MCF2L: variants seen among roughly 807,000 people sequenced by gnomAD.
MCF2L encodes the protein guanine nucleotide exchange factor DBS.
Under a neutral mutation model 153.4 loss-of-function variants are expected in MCF2L, and 97 were observed. That is an observed-to-expected ratio of 0.63 (90% CI 0.54 to 0.75). MCF2L has a LOEUF of 0.75. Ranked by LOEUF, MCF2L falls within the 30% of genes least tolerant of loss-of-function variation. The pLI is 0.00. For missense variants in MCF2L, 1,347 were observed against 1,495.2 expected, an observed-to-expected ratio of 0.90 and a Z score of 1.64; for synonymous variants, 659 against 632.2, an observed-to-expected ratio of 1.04 and a Z score of -0.64.
chr13:112,973,357 C>G (rs2082115495), intron 1 of MCF2L, among the ~76,000 whole-genome samples: 1 of 152,160 alleles, frequency 6.6e-6, no homozygotes, highest in African/African-American at 2.4e-5. Context: ...ATTTAGGTCT[C>G]TAATTAGATA....
chr13:113,094,765 A>ACC, intron 27 of MCF2L, 130 bp downstream of exon 27: 1 of 1,254,132 alleles, frequency 8.0e-7, no homozygotes, highest in Non-Finnish European at 1.1e-6. Context: ...TGGAAGGTCC[A>ACC]CATGGGCCTG....
rs534344140 is a variant in MCF2L, at chr13:113,018,033, G to A, written c.163+3187G>A. ...CTGCCGCGGAGCCATGGCTGCCACTGTGACATGTGCGGTCCCGTCTTCTCC... is the reference window on the plus strand; with the variant it reads ...CTGCCGCGGAGCCATGGCTGCCACTATGACATGTGCGGTCCCGTCTTCTCC... On this transcript the variant is annotated intron_variant, in intron 2 of 29. Coordinates refer to ENST00000535094, the MANE Select transcript of MCF2L (RefSeq NM_001112732.3). Among the ~76,000 whole-genome samples, 3 of 152,356 alleles carry A rather than the reference G, an allele frequency of 2.0e-5. No homozygotes were observed. The South Asian group carries it at 6.2e-4, about 32-fold the overall frequency.
At chr13:113,092,794 C>T (rs187684645) in intron 26 of MCF2L, among the ~76,000 whole-genome samples, 246 of 152,374 alleles carry the variant, frequency 1.6e-3, no homozygotes, top group Middle Eastern at 6.8e-3. Context: ...GCCTCCCCCG[C>T]GCCCTGTTCC....
At chr13:113,091,249 C>T in intron 26 of MCF2L, 1 of 1,296,422 alleles carries the variant, frequency 7.7e-7, no homozygotes, top group South Asian at 1.2e-5. Context: ...GGAAGCGCGG[C>T]CCAGCTGGCT....
rs1016976672 is a variant in MCF2L at position 112,969,488 on chromosome 13, T to C, written c.79+30T>C. On this transcript the variant is annotated intron_variant, in intron 1 of 29. Coordinates refer to ENST00000535094, the MANE Select transcript of MCF2L (RefSeq NM_001112732.3). This position sits in a 1 kb window ranked among gnomAD's most constrained non-coding sequence, Gnocchi z 4.8. ...GAGGAGCTGCTGGCCGTCAGTGATC[T>C]GTGCTTAAGCTTGACATCATGGGCT... The C allele has an allele frequency of 2.6e-6, 4 of 1,549,854 alleles. No individual in the cohort carries two copies. The African/African-American group carries it at 4.1e-5, about 16-fold the overall frequency.
At chr13:112,966,488 A>G (rs534259599), upstream of MCF2L, among the ~76,000 whole-genome samples, 51 of 152,346 alleles carry the variant, frequency 3.3e-4, no homozygotes, top group South Asian at 6.6e-3. This position sits in a 1 kb window ranked among gnomAD's most constrained non-coding sequence, Gnocchi z 4.1. Context: ...ATAAGTGTCA[A>G]TCTCATCTAA....
Position 113,074,662 on chromosome 13 carries a change from C to G in MCF2L, c.1116+99C>G. The G allele has an allele frequency of 6.5e-7, 1 of 1,530,286 alleles. No individual in the cohort carries two copies. Among genetic ancestry groups the G allele is most frequent in the Non-Finnish European group, 8.9e-7 (1 of 1,125,432 alleles). 94.8% of individuals were successfully genotyped at this position (1,530,286 alleles called of 1,614,324 possible). A position where few individuals can be genotyped will look rare whatever the true frequency, so the allele number is the denominator to read the frequency against. On this transcript the variant is annotated intron_variant, in intron 10 of 29. Coordinates refer to ENST00000535094, the MANE Select transcript of MCF2L (RefSeq NM_001112732.3). The surrounding 1 kb of genome is among the most constrained non-coding windows in gnomAD (Gnocchi z 4.2). Reference sequence around the variant, plus strand: ...GAATGGGCCTCCCGCCTACGGAGAACGGACCCCACAGCCCCCCGGGGATGT... The same window carrying G: ...GAATGGGCCTCCCGCCTACGGAGAAGGGACCCCACAGCCCCCCGGGGATGT...
Position 113,045,894 on chromosome 13 carries a change from G to C in MCF2L, c.369+533G>C, listed in dbSNP as rs2086781503. ...GTGGTACTGCACAGCTTTCCTATGT[G>C]ATTTTCTCCTTTCCAAATCAGGCCA... On this transcript the variant is annotated intron_variant, in intron 4 of 29. Coordinates refer to ENST00000535094, the MANE Select transcript of MCF2L (RefSeq NM_001112732.3). This position sits in a 1 kb window ranked among gnomAD's most constrained non-coding sequence, Gnocchi z 4.2. 6.3e-6 allele frequency: 1 copy of C among 158,126 alleles called. No homozygotes were observed. The highest frequency in any genetic ancestry group is 1.4e-5 in the Non-Finnish European group (1 of 71,952). The allele number at this position is 158,126 out of a possible 1,614,324, so 9.8% of individuals were successfully genotyped here.
intron 22 of MCF2L, 61 bp downstream of exon 22, chr13:113,087,517 T>C: frequency 7.1e-7 from 1 of 1,409,280 alleles, no homozygotes. Context: ...GGGGGAAGTC[T>C]GTAACTCGGT....
intron 1 of MCF2L, among the ~76,000 whole-genome samples, chr13:112,975,273 T>C (rs982613297): frequency 4.6e-5 from 7 of 152,234 alleles, no homozygotes; most frequent in African/African-American, 1.7e-4. Context: ...CTGGTGGTCA[T>C]ATGTGGATAA....
At chr13:113,065,740 C>T (rs560731741) in intron 7 of MCF2L, among the ~76,000 whole-genome samples, 65 of 152,342 alleles carry the variant, frequency 4.3e-4, no homozygotes, top group Admixed American at 2.0e-3. Flanking sequence ...ACCGTGAGGA[C>T]ACTGAGGACC....
upstream of MCF2L, chr13:112,965,142 TCTTC>T (rs1221917716): frequency 6.5e-6 from 1 of 152,856 alleles, no homozygotes; most frequent in African/African-American, 2.4e-5. Flanking sequence ...CAGCTCCTCC[TCTTC>T]CTTCCTCTCC....
chr13:112,975,107 T>C (rs2082170737), intron 1 of MCF2L, among the ~76,000 whole-genome samples: 1 of 152,250 alleles, frequency 6.6e-6, no homozygotes, highest in Non-Finnish European at 1.5e-5. Flanking sequence ...AGGTATCTGG[T>C]CACATTCATT....
intron 27 of MCF2L, chr13:113,095,949 G>T: frequency 2.0e-6 from 1 of 493,554 alleles, no homozygotes; most frequent in Admixed American, 4.9e-5. Flanking sequence ...GTGAGGCTTG[G>T]GGAGGTTGGG....
chr13:112,992,760 A>G (rs2082943105), intron 1 of MCF2L, among the ~76,000 whole-genome samples: 1 of 152,236 alleles, frequency 6.6e-6, no homozygotes, highest in Non-Finnish European at 1.5e-5. Context: ...TTCGTAGCCA[A>G]TCATTTTTAT....
chr13:112,999,103 TCCCTGG>T (rs2083258307), intron 1 of MCF2L, among the ~76,000 whole-genome samples: 1 of 152,178 alleles, frequency 6.6e-6, no homozygotes, highest in South Asian at 2.1e-4. Flanking sequence ...GGGCCAGCCC[TCCCTGG>T]CACAGGGCCA....
chr13:113,015,229 G>A (rs1335944424), intron 2 of MCF2L, among the ~76,000 whole-genome samples: 1 of 152,236 alleles, frequency 6.6e-6, no homozygotes, highest in Non-Finnish European at 1.5e-5. Flanking sequence ...GTCCACTGTG[G>A]CCTCCAGCCC....
chr13:112,978,565 C>T (rs1322910209), intron 1 of MCF2L, among the ~76,000 whole-genome samples: 3 of 152,184 alleles, frequency 2.0e-5, no homozygotes, highest in East Asian at 1.9e-4. Flanking sequence ...CTTGATGTCC[C>T]CGATGCCAGT....
intron 26 of MCF2L, chr13:113,089,961 C>CCGAG: frequency 6.3e-7 from 1 of 1,596,830 alleles, no homozygotes; most frequent in East Asian, 2.2e-5. Flanking sequence ...GGAGCCTCGG[C>CCGAG]CGAGCGTGCA....
Sources: gnomAD v4.1 joint callset for allele counts (sites outside exome capture counted in the v4.1 genomes callset) on GRCh38, gnomAD v4.1.1 for gene constraint, Gnocchi (gnomAD v3.1) non-coding constraint, MANE v1.5 for transcripts, NCBI Gene and HGNC (gene_info 2026-07-23, HGNC 2026-07-21) for gene names.